The following INPP4B variants were observed in gnomAD, a reference collection of about 807,000 sequenced individuals.
The protein encoded by INPP4B is inositol polyphosphate-4-phosphatase type II B, also known as inositol polyphosphate 4-phosphatase type II.
Under a neutral mutation model 122.5 loss-of-function variants are expected in INPP4B, and 55 were observed. The ratio of observed to expected loss-of-function variants is 0.45; its 90% CI spans 0.36 to 0.56. INPP4B has a LOEUF of 0.56. INPP4B is among the 20% of genes least tolerant of loss of function. The pLI, the probability that INPP4B is intolerant of heterozygous loss-of-function variation, is 0.00. For synonymous variants in INPP4B, 403 were observed against 388.7 expected, an observed-to-expected ratio of 1.04 and a Z score of -0.43; for missense variants, 1,000 against 1,097.7, an observed-to-expected ratio of 0.91 and a Z score of 1.26.
intron 1 of INPP4B, among the ~76,000 whole-genome samples, chr4:142,728,792 T>C (rs1389477993): frequency 6.6e-6 from 1 of 152,192 alleles, no homozygotes; most frequent in East Asian, 1.9e-4. Flanking sequence ...ATGTTGATTT[T>C]AGATTTCTAG....
intron 2 of INPP4B, among the ~76,000 whole-genome samples, chr4:142,685,282 C>T (rs2150699222): frequency 6.6e-6 from 1 of 151,334 alleles, no homozygotes; most frequent in African/African-American, 2.4e-5. Flanking sequence ...GAATATTTAC[C>T]ATTTTATAGA....
intron 5 of INPP4B, among the ~76,000 whole-genome samples, chr4:142,410,546 C>T (rs768624802): frequency 1.6e-4 from 25 of 152,132 alleles, no homozygotes; most frequent in Non-Finnish European, 2.8e-4. Flanking sequence ...ATTCTGTACT[C>T]AAAATTAGCC....
chr4:142,727,692 G>C (rs934708962), intron 1 of INPP4B, among the ~76,000 whole-genome samples: 2 of 152,066 alleles, frequency 1.3e-5, no homozygotes, highest in African/African-American at 4.8e-5. Flanking sequence ...ACCAGCCTGG[G>C]CAACATGGCA....
intron 14 of INPP4B, among the ~76,000 whole-genome samples, chr4:142,194,847 T>C (rs1214757102): frequency 1.3e-5 from 2 of 152,206 alleles, no homozygotes; most frequent in Non-Finnish European, 2.9e-5. Flanking sequence ...AAGCATTTAG[T>C]AAATGTTATC....
At chr4:142,299,271 C>CCCGGGCT (rs779633609) in intron 9 of INPP4B, among the ~76,000 whole-genome samples, 18,624 of 150,992 alleles carry the variant, frequency 0.12, 2,354 homozygotes, top group African/African-American at 0.32. Context: ...AAGGGATCCT[C>CCCGGGCT]CAACCACAGC....
rs760472062 is a variant in INPP4B at position 142,087,135 on chromosome 4, C to A, written c.2375-879G>T. Reference sequence around the variant, plus strand: ...CACAGCATCCCTGGCCTCTACCATTCGCATGCCAGTAGCAGCTTTCCCAAG... The same window carrying A: ...CACAGCATCCCTGGCCTCTACCATTAGCATGCCAGTAGCAGCTTTCCCAAG... On this transcript the variant is annotated intron_variant, in intron 23 of 25. Transcript: ENST00000262992. Among the ~76,000 whole-genome samples, 3 of 152,170 alleles carry A rather than the reference C, an allele frequency of 2.0e-5. No individual in the cohort carries two copies. The South Asian group carries it at 6.2e-4, about 32-fold the overall frequency.
rs2149193480 is a variant in INPP4B at position 142,405,230 on chromosome 4, T to C, written c.231A>G (p.Arg77=). Residue 77 remains arginine (R), a synonymous_variant, in exon 6 of 26, where the codon AGA becomes AGG. Transcript: ENST00000262992. ...CCTCCACAATTTCGGTGCTGGAGTA[T>C]CTTGTCAGACTCTGCTCCACGGGGT... ...VIHPVEQSLT[R]YSSTEIVEGT... 6.2e-7 allele frequency: 1 copy of C among 1,609,862 alleles called. No individual in the cohort carries two copies. The highest frequency in any genetic ancestry group is 8.5e-7 in the Non-Finnish European group (1 of 1,176,346).
chr4:142,789,222 A>G (rs11100758), intron 1 of INPP4B, among the ~76,000 whole-genome samples: 1 of 152,104 alleles, frequency 6.6e-6, no homozygotes, highest in African/African-American at 2.4e-5. Context: ...CAGTACTGGA[A>G]GTCCTGCCAG....
chr4:142,595,779 T>C (rs72726476), intron 2 of INPP4B, among the ~76,000 whole-genome samples: 124 of 152,322 alleles, frequency 8.1e-4, no homozygotes, highest in Non-Finnish European at 1.4e-3. Flanking sequence ...TTTTGGTCAC[T>C]TAGCATCATT....
At chr4:142,114,099 C>A (rs1791682097) in intron 21 of INPP4B, among the ~76,000 whole-genome samples, 1 of 152,002 alleles carries the variant, frequency 6.6e-6, no homozygotes, top group African/African-American at 2.4e-5. Flanking sequence ...TTTCACCTAG[C>A]ATAATGTTTT....
chr4:142,781,938 C>T (rs1380072199), intron 1 of INPP4B, among the ~76,000 whole-genome samples: 2 of 151,924 alleles, frequency 1.3e-5, no homozygotes, highest in African/African-American at 4.8e-5. Context: ...ATGACTTATT[C>T]TAACTTTTGT....
chr4:142,035,970 A>G (rs1281989958), intron 25 of INPP4B, among the ~76,000 whole-genome samples: 2 of 152,002 alleles, frequency 1.3e-5, no homozygotes, highest in Admixed American at 6.6e-5. Flanking sequence ...AGGGGCATAC[A>G]TGAGTAGGTT....
intron 2 of INPP4B, among the ~76,000 whole-genome samples, chr4:142,522,389 T>A (rs1826208460): frequency 8.0e-6 from 1 of 125,784 alleles, no homozygotes; most frequent in South Asian, 2.7e-4. Flanking sequence ...CAGGCTGGAG[T>A]GAAGTGGTTA....
At chr4:142,154,675 G>A (rs545284413) in intron 17 of INPP4B, among the ~76,000 whole-genome samples, 2 of 152,180 alleles carry the variant, frequency 1.3e-5, no homozygotes, top group South Asian at 2.1e-4. Flanking sequence ...ATTATAGTGG[G>A]AGAAAAGCTA....
At chr4:142,548,967 G>C (rs1192213395) in intron 2 of INPP4B, among the ~76,000 whole-genome samples, 2 of 151,562 alleles carry the variant, frequency 1.3e-5, no homozygotes, top group African/African-American at 2.4e-5. Context: ...TCAAAAATGG[G>C]TACGCTCTAT....
chr4:142,274,977 G>A (rs927858650), intron 9 of INPP4B, among the ~76,000 whole-genome samples: 5 of 147,906 alleles, frequency 3.4e-5, no homozygotes, highest in Non-Finnish European at 7.6e-5. Flanking sequence ...CAAAGATCGG[G>A]AAAATTTCAG....
intron 2 of INPP4B, among the ~76,000 whole-genome samples, chr4:142,531,280 A>AC (rs2149985065): frequency 1.3e-5 from 2 of 151,556 alleles, no homozygotes; most frequent in Admixed American, 1.3e-4. Flanking sequence ...TTAAAAAAAA[A>AC]GAAGGAAGAA....
intron 25 of INPP4B, among the ~76,000 whole-genome samples, chr4:142,045,945 G>T (rs747267161): frequency 2.6e-5 from 4 of 151,964 alleles, no homozygotes; most frequent in Non-Finnish European, 4.4e-5. Flanking sequence ...AGTGCAAAGG[G>T]CTTGAAAGCA....
At chr4:142,135,798 T>C (rs1013341337) in intron 18 of INPP4B, among the ~76,000 whole-genome samples, 5 of 152,152 alleles carry the variant, frequency 3.3e-5, no homozygotes, top group African/African-American at 1.2e-4. Context: ...GTTTATTTTT[T>C]TAATGTTTGT....
Sources: gnomAD v4.1 joint callset for allele counts (sites outside exome capture counted in the v4.1 genomes callset) on GRCh38, gnomAD v4.1.1 for gene constraint, MANE v1.5 for transcripts, NCBI Gene and HGNC (gene_info 2026-07-23, HGNC 2026-07-21) for gene names.